Variants in DEF6 observed in about 807,000 individuals in gnomAD.
DEF6 encodes differentially expressed in FDCP 6 homolog.
Under a neutral mutation model 80.5 loss-of-function variants are expected in DEF6, and 32 were observed. That is an observed-to-expected ratio of 0.40 (90% confidence interval 0.30 to 0.53). The LOEUF (loss-of-function observed/expected upper bound fraction) is 0.53. Among genes scored for constraint, DEF6 ranks in the 20% least tolerant of loss-of-function variants. The pLI is 0.57. For missense variants in DEF6, 575 were observed against 818.7 expected, an observed-to-expected ratio of 0.70 and a Z score of 3.63; for synonymous variants, 300 against 337.9, an observed-to-expected ratio of 0.89 and a Z score of 1.23.
At chr6:35,314,853 G>A (rs1034086670) in intron 5 of DEF6, among the ~76,000 whole-genome samples, 4 of 152,134 alleles carry the variant, frequency 2.6e-5, no homozygotes, top group Admixed American at 6.5e-5. Context: ...CCAGACCAAT[G>A]TCCTGGAATA....
At chr6:35,305,906 T>C (rs1156341226) in intron 1 of DEF6, among the ~76,000 whole-genome samples, 2 of 151,504 alleles carry the variant, frequency 1.3e-5, no homozygotes, top group Non-Finnish European at 2.9e-5. Flanking sequence ...TTTGTTTTAA[T>C]TTTTAGATGG....
intron 1 of DEF6, among the ~76,000 whole-genome samples, chr6:35,300,956 T>C (rs1357578299): frequency 6.6e-6 from 1 of 152,122 alleles, no homozygotes; most frequent in East Asian, 1.9e-4. Context: ...AAGGGGTATG[T>C]AGATGGAGCA....
At chr6:35,310,011 A>G (rs1172753439) in intron 2 of DEF6, among the ~76,000 whole-genome samples, 1 of 140,000 alleles carries the variant, frequency 7.1e-6, no homozygotes, top group Non-Finnish European at 1.5e-5. Flanking sequence ...TTCACCTTCA[A>G]TGTCCCTCAT....
In DEF6 at chr6:35,312,227, G is replaced by A. The variant is rs1791476840; in HGVS notation, c.424-75G>A. 1.5e-6 allele frequency: 2 copies of A among 1,337,578 alleles called. No homozygotes were observed. The highest frequency in any genetic ancestry group is 2.6e-5 in the South Asian group (2 of 78,404). 82.9% of individuals were successfully genotyped at this position (1,337,578 alleles called of 1,614,324 possible). On this transcript the variant is annotated intron_variant, in intron 3 of 10. Transcript: ENST00000316637. The surrounding 1 kb of genome is among the most constrained non-coding windows in gnomAD (Gnocchi z 6.6). ...CCCTCTGCCCAGGCTCTGGGAGCCA[G>A]ATAGAGCACTCCCTGGTGTTGGTGC...
chr6:35,319,744 C>T lies in DEF6; in HGVS notation c.1382+54C>T, dbSNP rs1791566276. The T allele has an allele frequency of 6.2e-7, 1 of 1,610,352 alleles. No individual in the cohort carries two copies. The highest frequency in any genetic ancestry group is 8.5e-7 in the Non-Finnish European group (1 of 1,177,300). On this transcript the variant is annotated intron_variant, in intron 8 of 10. Transcript: ENST00000316637. The surrounding 1 kb of genome is among the most constrained non-coding windows in gnomAD (Gnocchi z 4.5). Reference sequence around the variant, plus strand: ...CTCACCACCCCTCCTGGAACACACCCCAGTTTTCCTGCTTGCTGTGCACCT... The same window carrying T: ...CTCACCACCCCTCCTGGAACACACCTCAGTTTTCCTGCTTGCTGTGCACCT...
At chr6:35,317,212 C>G (rs867783951) in intron 5 of DEF6, among the ~76,000 whole-genome samples, 5 of 152,206 alleles carry the variant, frequency 3.3e-5, no homozygotes, top group Admixed American at 1.3e-4. Context: ...GAGCACGGAT[C>G]TACGCAGAAG....
In DEF6 at chr6:35,309,694, G is replaced by GAC; in HGVS notation, c.121_122insAC (p.Val41AspfsTer58). The GAC allele has an allele frequency of 6.2e-7, 1 of 1,613,956 alleles. No individual in the cohort carries two copies. The highest frequency in any genetic ancestry group is 8.5e-7 in the Non-Finnish European group (1 of 1,179,996). On this transcript the variant is annotated frameshift_variant, in exon 2 of 11. Transcript: ENST00000316637. LOFTEE classifies it high-confidence loss of function. ...GGTGCTGTCCCACAACCTGTACACG[G>GAC]TCCTGCACATCCCCCATGACCCCGT...
In DEF6 at chr6:35,319,773, A is replaced by G; in HGVS notation, c.1383-46A>G. ...TTTTCCTGCTTGCTGTGCACCTGCA[A>G]GGTGCCTTGGCACTAGAGGCTACAC... On this transcript the variant is annotated intron_variant, in intron 8 of 10. Transcript: ENST00000316637. The surrounding 1 kb of genome is among the most constrained non-coding windows in gnomAD (Gnocchi z 4.5). The G allele has an allele frequency of 6.2e-7, 1 of 1,610,384 alleles. No individual in the cohort carries two copies. The highest frequency in any genetic ancestry group is 8.5e-7 in the Non-Finnish European group (1 of 1,177,788).
At chr6:35,299,679 C>T (rs897774648) in intron 1 of DEF6, among the ~76,000 whole-genome samples, 15 of 152,198 alleles carry the variant, frequency 9.9e-5, no homozygotes, top group Non-Finnish European at 1.8e-4. Flanking sequence ...ATTGAACCTA[C>T]TGCCAGCAAC....
rs1791593985 is a variant in DEF6, at chr6:35,321,566, G to C, written c.*156G>C. On this transcript the variant is annotated 3_prime_UTR_variant, in exon 11 of 11. Coordinates refer to ENST00000316637, the MANE Select transcript of DEF6 (RefSeq NM_022047.4). ...CCATAAACAGTCCAGGATGGAACCT[G>C]GTTCACCCTTCATACCAGCTCCAAG... 3.1e-6 allele frequency: 2 copies of C among 643,672 alleles called. No homozygotes were observed. Among genetic ancestry groups the C allele is most frequent in the Non-Finnish European group, 5.3e-6 (2 of 380,648 alleles). 39.9% of individuals were successfully genotyped at this position (643,672 alleles called of 1,614,324 possible). A position where few individuals can be genotyped will look rare whatever the true frequency, so the allele number is the denominator to read the frequency against.
intron 1 of DEF6, among the ~76,000 whole-genome samples, chr6:35,304,964 T>C (rs557511973): frequency 6.7e-6 from 1 of 149,060 alleles, no homozygotes; most frequent in Non-Finnish European, 1.5e-5. Context: ...AATGAAGAAA[T>C]TCGGGGCTGC....
At position 35,320,910 on chromosome 6, in the gene DEF6, C is replaced by A. The variant is rs1461659360; in HGVS notation, c.1608C>A (p.Ala536=). The change falls in exon 10 of 11, where the codon GCC becomes GCA. Residue 536 remains alanine, a synonymous_variant. Coordinates refer to ENST00000316637, the MANE Select transcript of DEF6 (RefSeq NM_022047.4). ...VEAAQRKLRQ[A]STNVKHWNVQ... ...CTGCCCAGAGAAAACTGCGCCAGGC[C>A]AGCACCAACGTGAAACACTGGAATG... 6.2e-7 allele frequency: 1 copy of A among 1,610,898 alleles called. No individual in the cohort carries two copies. The highest frequency in any genetic ancestry group is 1.3e-5 in the African/African-American group (1 of 74,798).
At position 35,318,623 on chromosome 6, in the gene DEF6, C is replaced by G. The variant is rs1215995933; in HGVS notation, c.1215+152C>G. 2.7e-6 allele frequency: 2 copies of G among 752,122 alleles called. No homozygotes were observed. The highest frequency in any genetic ancestry group is 3.6e-5 in the East Asian group (1 of 27,636). The allele number at this position is 752,122 out of a possible 1,614,324, so 46.6% of individuals were successfully genotyped here. ...AGCTTGAAATGAGGGATTGTTGGGA[C>G]AGAGTCCGCGGGTTTGAAAAAGAGA... is the stretch of plus-strand genomic sequence containing the variant. On this transcript the variant is annotated intron_variant, in intron 7 of 10. Coordinates refer to ENST00000316637, the MANE Select transcript of DEF6 (RefSeq NM_022047.4). The surrounding 1 kb of genome is among the most constrained non-coding windows in gnomAD (Gnocchi z 5.1).
chr6:35,302,795 C>T (rs932110211), intron 1 of DEF6, among the ~76,000 whole-genome samples: 4 of 152,198 alleles, frequency 2.6e-5, no homozygotes, highest in African/African-American at 9.7e-5. Context: ...TTCAGTTTCA[C>T]CAGTTCTCTG....
intron 5 of DEF6, among the ~76,000 whole-genome samples, chr6:35,315,571 C>T (rs1323521291): frequency 6.6e-6 from 1 of 151,956 alleles, no homozygotes; most frequent in East Asian, 1.9e-4. Context: ...TTAATTTTTC[C>T]AATACATAGC....
chr6:35,313,379 T>A, intron 5 of DEF6: 1 of 407,714 alleles, frequency 2.5e-6, no homozygotes, highest in Non-Finnish European at 4.7e-6. Flanking sequence ...AGGGTACATG[T>A]GATAATTTAA....
In DEF6 at chr6:35,318,476, G is replaced by A. The variant is rs1791549533; in HGVS notation, c.1215+5G>A. On this transcript the variant is annotated splice_donor_5th_base_variant and intron_variant, in intron 7 of 10. Transcript: ENST00000316637. This position sits in a 1 kb window ranked among gnomAD's most constrained non-coding sequence, Gnocchi z 5.1. ...CAACTGCGCGAGGCGGAGCAGGTGGGGTTAGCTCCCGGCGCCGGGGACGGG... is the reference window on the plus strand; with the variant it reads ...CAACTGCGCGAGGCGGAGCAGGTGGAGTTAGCTCCCGGCGCCGGGGACGGG... 2.1e-6 allele frequency: 3 copies of A among 1,398,050 alleles called. No homozygotes were observed. Among genetic ancestry groups the A allele is most frequent in the Admixed American group, 3.4e-5 (1 of 29,196 alleles). The allele number at this position is 1,398,050 out of a possible 1,614,324, so 86.6% of individuals were successfully genotyped here. A position where few individuals can be genotyped will look rare whatever the true frequency, so the allele number is the denominator to read the frequency against.
chr6:35,301,745 AAG>A (rs1791317749), intron 1 of DEF6, among the ~76,000 whole-genome samples: 1 of 13,728 alleles, frequency 7.3e-5, no homozygotes, highest in Non-Finnish European at 2.0e-4. Context: ...TTTTTTTTTT[AAG>A]ACAGAGTCTT....
At chr6:35,308,041 T>C (rs1791414049) in intron 1 of DEF6, among the ~76,000 whole-genome samples, 1 of 151,976 alleles carries the variant, frequency 6.6e-6, no homozygotes, top group African/African-American at 2.4e-5. Context: ...GTCTCCAGAG[T>C]TCACAATCCA....
Sources: gnomAD v4.1 joint callset for allele counts (sites outside exome capture counted in the v4.1 genomes callset) on GRCh38, gnomAD v4.1.1 for gene constraint, Gnocchi (gnomAD v3.1) non-coding constraint, MANE v1.5 for transcripts, NCBI Gene and HGNC (gene_info 2026-07-23, HGNC 2026-07-21) for gene names.